LAD1: variants seen among roughly 807,000 people sequenced by gnomAD.
LAD1 encodes ladinin 1.
LAD1 carries 53 observed loss-of-function variants against 54.2 expected under a neutral mutation model. The observed-to-expected ratio is 0.98, with a 90% CI of 0.78 to 1.23. The LOEUF (loss-of-function observed/expected upper bound fraction) is 1.23, where lower values mean the gene tolerates loss of function less well. Ranked by LOEUF, LAD1 falls within the 50% of genes most tolerant of loss-of-function variation. The pLI is 0.00. For missense variants in LAD1, 637 were observed against 653.3 expected, an observed-to-expected ratio of 0.98 and a Z score of 0.27; for synonymous variants, 231 against 257.7, an observed-to-expected ratio of 0.90 and a Z score of 0.99.
intron 1 of LAD1, among the ~76,000 whole-genome samples, chr1:201,397,683 C>T (rs1350539738): frequency 6.6e-6 from 1 of 152,112 alleles, no homozygotes; most frequent in South Asian, 2.1e-4. Flanking sequence ...GTACTGAGGT[C>T]TTCAATAAAC....
In LAD1 at chr1:201,384,814, A is replaced by G. The variant is rs777506377; in HGVS notation, c.1153T>C (p.Ser385Pro). 13 of 1,613,942 alleles carry G rather than the reference A, an allele frequency of 8.1e-6. No homozygotes were observed. The Middle Eastern group carries it at 6.7e-4, about 83-fold the overall frequency. ...SFRMKPKKEN[S>P]ETTLTRSASM... ...CACCTGCGAGTTAGGGTTGTTTCCG[A>G]GTTTTCTTTCTTGGGTTTCATCTGA... The change falls in exon 5 of 10, where the codon TCG becomes CCG. Residue 385 changes from serine to proline, a missense_variant. Ser to Pro is a moderately conservative substitution (Grantham distance 74). Transcript: ENST00000391967.
At chr1:201,388,216 C>CA (rs955778001) in intron 2 of LAD1, among the ~76,000 whole-genome samples, 3 of 152,178 alleles carry the variant, frequency 2.0e-5, no homozygotes, top group African/African-American at 7.2e-5. Context: ...CATGGTGAAA[C>CA]CCCATCTCTC....
At chr1:201,390,661 T>C (rs1662182057) in intron 1 of LAD1, among the ~76,000 whole-genome samples, 1 of 152,186 alleles carries the variant, frequency 6.6e-6, no homozygotes, top group Non-Finnish European at 1.5e-5. Context: ...GGCCAGACAA[T>C]TGCGTGTCCA....
At chr1:201,382,949 G>A in intron 7 of LAD1, 125 bp downstream of exon 7, 2 of 1,217,854 alleles carry the variant, frequency 1.6e-6, no homozygotes, top group East Asian at 2.3e-5. Flanking sequence ...GAACTCAAAT[G>A]GAGGTTCTGC....
chr1:201,382,450 G>T, intron 8 of LAD1, 124 bp from the exon 9 acceptor site: 2 of 840,370 alleles, frequency 2.4e-6, no homozygotes, highest in South Asian at 3.1e-5. Flanking sequence ...AAGGAACCCA[G>T]ACCCACCCCT....
intron 2 of LAD1, among the ~76,000 whole-genome samples, chr1:201,387,502 T>C (rs920335015): frequency 6.6e-6 from 1 of 152,234 alleles, no homozygotes; most frequent in African/African-American, 2.4e-5. Context: ...TCAAAAGGAA[T>C]AAGCACAGTC....
intron 1 of LAD1, among the ~76,000 whole-genome samples, chr1:201,398,517 G>C (rs910408714): frequency 6.6e-6 from 1 of 152,100 alleles, no homozygotes; most frequent in Non-Finnish European, 1.5e-5. Context: ...GTGCAGGGTC[G>C]CTCCAAGAGA....
chr1:201,387,133 TG>T lies in LAD1; in HGVS notation c.227del (p.Pro76GlnfsTer47). On this transcript the variant is annotated frameshift_variant, in exon 3 of 10. Coordinates refer to ENST00000391967, the MANE Select transcript of LAD1 (RefSeq NM_005558.4). LOFTEE classifies it high-confidence loss of function. ...EEAEVPKPLPPASKDEDEDIQ... is the reference protein window; with the variant it reads ...EEAEVPKPLPXASKDEDEDIQ... ...TGTCCTCGTCCTCATCTTTGGAGGCTGGGGGCAGTGGCTTGGGCACCTCTGC... is the reference window on the plus strand; with the variant it reads ...TGTCCTCGTCCTCATCTTTGGAGGCTGGGGCAGTGGCTTGGGCACCTCTGC... 1 of 1,544,974 alleles carries T rather than the reference TG, an allele frequency of 6.5e-7. No homozygotes were observed. Among genetic ancestry groups the T allele is most frequent in the Non-Finnish European group, 8.7e-7 (1 of 1,149,036 alleles).
chr1:201,382,511 A>T lies in LAD1; in HGVS notation c.1473+142T>A, dbSNP rs150917720. On this transcript the variant is annotated intron_variant, in intron 8 of 9. Transcript: ENST00000391967. ...CACCCATCTATTCCCGACTGCCTCCACTCCTGAAATGACTCCTCCTCTCCC... is the reference window on the plus strand; with the variant it reads ...CACCCATCTATTCCCGACTGCCTCCTCTCCTGAAATGACTCCTCCTCTCCC... 344 of 768,962 alleles carry T rather than the reference A, an allele frequency of 4.5e-4. 1 individual carries two copies. Among genetic ancestry groups the T allele is most frequent in the African/African-American group, 4.4e-3 (241 of 54,266 alleles). The allele number at this position is 768,962 out of a possible 1,614,324, so 47.6% of individuals were successfully genotyped here.
Position 201,384,812 on chromosome 1 carries a change from C to A in LAD1, c.1155G>T (p.Ser385=). 1 of 1,614,036 alleles carries A rather than the reference C, an allele frequency of 6.2e-7. No homozygotes were observed. The highest frequency in any genetic ancestry group is 2.2e-5 in the East Asian group (1 of 44,884). Residue 385 remains serine (S), a synonymous_variant, in exon 5 of 10, where the codon TCG becomes TCT. Coordinates refer to ENST00000391967, the MANE Select transcript of LAD1 (RefSeq NM_005558.4). ...SFRMKPKKEN[S]ETTLTRSASM... is the part of the protein sequence containing the mutation. ...CCCACCTGCGAGTTAGGGTTGTTTC[C>A]GAGTTTTCTTTCTTGGGTTTCATCT...
chr1:201,389,831 A>G (rs1264455778), intron 1 of LAD1, among the ~76,000 whole-genome samples: 1 of 152,192 alleles, frequency 6.6e-6, no homozygotes, highest in African/African-American at 2.4e-5. Context: ...CAAAAAAGAA[A>G]GAAAAAAATT....
In LAD1 at chr1:201,385,823, A is replaced by T; in HGVS notation, c.1027-18T>A. ...ATTTTCACCTGGATGGAGCAGGGGG[A>T]GTGTCACATAAGAGGTCTAGGGCCC... On this transcript the variant is annotated intron_variant, in intron 3 of 9. Coordinates refer to ENST00000391967, the MANE Select transcript of LAD1 (RefSeq NM_005558.4). 1 of 1,572,946 alleles carries T rather than the reference A, an allele frequency of 6.4e-7. No individual in the cohort carries two copies. Among genetic ancestry groups the T allele is most frequent in the South Asian group, 1.1e-5 (1 of 90,186 alleles).
Position 201,383,175 on chromosome 1 carries a change from T to C in LAD1, c.1285A>G (p.Thr429Ala). The change falls in exon 7 of 10, where the codon ACT becomes GCT. Residue 429 changes from threonine to alanine, a missense_variant. By Grantham distance (58) the Thr-to-Ala change is moderately conservative. Coordinates refer to ENST00000391967, the MANE Select transcript of LAD1 (RefSeq NM_005558.4). ...ESVKSRGLPC[T>A]ELFVAPVGVA... Reference sequence around the variant, plus strand: ...CCCACAGGAGCCACGAATAACTCAGTGCAAGGCAGACCCCGAGACTTGACA... The same window carrying C: ...CCCACAGGAGCCACGAATAACTCAGCGCAAGGCAGACCCCGAGACTTGACA... 10 of 1,613,764 alleles carry C rather than the reference T, an allele frequency of 6.2e-6. No homozygotes were observed. Among genetic ancestry groups the C allele is most frequent in the Non-Finnish European group, 7.6e-6 (9 of 1,179,906 alleles).
chr1:201,398,614 C>T lies in LAD1; in HGVS notation c.38+655G>A, dbSNP rs78799983. Among the ~76,000 whole-genome samples the T allele has an allele frequency of 8.7e-4, 133 of 152,298 alleles. 2 individuals carry two copies. The East Asian group carries it at 0.021, about 24-fold the overall frequency. ...GGCCTCTCGGACCCTGATGGGATGTCCAGCAGGCAGGGGTAGGATGCCTCA... is the reference window on the plus strand; with the variant it reads ...GGCCTCTCGGACCCTGATGGGATGTTCAGCAGGCAGGGGTAGGATGCCTCA... On this transcript the variant is annotated intron_variant, in intron 1 of 9. Transcript: ENST00000391967.
chr1:201,383,084 G>A lies in LAD1; in HGVS notation c.1376C>T (p.Ser459Phe). ...GCCTGAGCCCCTCACCTTCCGGCTGGAGGCTGGTTCTGCTCGGCTCTGGCC... is the reference window on the plus strand; with the variant it reads ...GCCTGAGCCCCTCACCTTCCGGCTGAAGGCTGGTTCTGCTCGGCTCTGGCC... ...LAGQSRAEPA[S>F]SRKENLRLSG... The change falls in exon 7 of 10, where the codon TCC becomes TTC. Residue 459 changes from serine to phenylalanine, a missense_variant. Transcript: ENST00000391967. 1 of 1,612,972 alleles carries A rather than the reference G, an allele frequency of 6.2e-7. No homozygotes were observed. The highest frequency in any genetic ancestry group is 2.2e-5 in the East Asian group (1 of 44,814).
Position 201,381,541 on chromosome 1 carries a change from G to A in LAD1, c.*347C>T, listed in dbSNP as rs1571717680. On this transcript the variant is annotated 3_prime_UTR_variant, in exon 10 of 10. Transcript: ENST00000391967. ...GACTCTGGAGTTCTTGAGGGGCGCCGTGCCCTGACTGTGGATGTGAGCAGG... is the reference window on the plus strand; with the variant it reads ...GACTCTGGAGTTCTTGAGGGGCGCCATGCCCTGACTGTGGATGTGAGCAGG... The A allele has an allele frequency of 8.0e-6, 3 of 373,002 alleles. No individual in the cohort carries two copies. The highest frequency in any genetic ancestry group is 7.6e-5 in the South Asian group (3 of 39,330). The allele number at this position is 373,002 out of a possible 1,614,324, so 23.1% of individuals were successfully genotyped here.
At position 201,386,588 on chromosome 1, in the gene LAD1, T is replaced by C. The variant is rs916166522; in HGVS notation, c.773A>G (p.Glu258Gly). The C allele has an allele frequency of 6.2e-7, 1 of 1,614,052 alleles. No homozygotes were observed. The highest frequency in any genetic ancestry group is 1.3e-5 in the African/African-American group (1 of 74,928). ...ALGSGRRLVS[E>G]KASIFEKALA... ...TGCCTTCTCAAAGATGGAAGCTTTC[T>C]CAGACACCAGCCTCCTTCCTGAGCC... The change falls in exon 3 of 10, where the codon GAG becomes GGG. Residue 258 changes from glutamate to glycine, a missense_variant. Transcript: ENST00000391967.
Position 201,385,674 on chromosome 1 carries a change from G to A in LAD1, c.1131+27C>T, listed in dbSNP as rs563415902. ...TCCTCCACTTGCCCTCCAGTGGCTCGCAGACCAGGGTGCCCAGGGCTCTCA... is the reference window on the plus strand; with the variant it reads ...TCCTCCACTTGCCCTCCAGTGGCTCACAGACCAGGGTGCCCAGGGCTCTCA... On this transcript the variant is annotated intron_variant, in intron 4 of 9. Transcript: ENST00000391967. The A allele has an allele frequency of 2.7e-5, 41 of 1,545,242 alleles. No homozygotes were observed. In the East Asian group the frequency reaches 6.5e-4, roughly 25 times the overall value.
rs1490899124 is a variant in LAD1 at position 201,383,403 on chromosome 1, G to A, written c.1176-14C>T. ...TTCATGCTGGCACTGCAGGATGGAA[G>A]ATGGAACAGGCGAGCCAAGTGAGAC... On this transcript the variant is annotated splice_polypyrimidine_tract_variant and intron_variant, in intron 5 of 9. Coordinates refer to ENST00000391967, the MANE Select transcript of LAD1 (RefSeq NM_005558.4). 1.9e-6 allele frequency: 3 copies of A among 1,613,848 alleles called. No individual in the cohort carries two copies. Among genetic ancestry groups the A allele is most frequent in the Admixed American group, 3.3e-5 (2 of 60,030 alleles).
Sources: allele counts gnomAD v4.1 joint callset (sites outside exome capture counted in the v4.1 genomes callset), GRCh38; gene constraint gnomAD v4.1.1; transcripts MANE v1.5; gene names NCBI Gene and HGNC (gene_info 2026-07-23, HGNC 2026-07-21).